LHFPL2: variants seen among roughly 807,000 people sequenced by gnomAD.
LHFPL2 encodes the protein LHFPL tetraspan subfamily member 2.
LHFPL2 carries 7 observed loss-of-function variants against 17.5 expected under a neutral mutation model. That is an observed-to-expected ratio of 0.40 (90% confidence interval 0.23 to 0.75). The LOEUF is 0.75. Among genes scored for constraint, LHFPL2 ranks in the 30% least tolerant of loss-of-function variants. The probability of loss-of-function intolerance (pLI) is 0.37; values close to 1 mark genes in which losing one functional copy is unlikely to be tolerated. For synonymous variants in LHFPL2, 134 were observed against 116.2 expected (o/e 1.15, Z -0.99); for missense variants, 241 against 294.8 (o/e 0.82, Z 1.34).
intron 2 of LHFPL2, among the ~76,000 whole-genome samples, chr5:78,594,245 C>CA (rs1401115763): frequency 6.6e-6 from 1 of 152,174 alleles, no homozygotes; most frequent in Non-Finnish European, 1.5e-5. Flanking sequence ...CCCTATGTAG[C>CA]ATGTTAACTC....
At chr5:78,547,460 T>G (rs1756313735) in intron 3 of LHFPL2, among the ~76,000 whole-genome samples, 1 of 152,232 alleles carries the variant, frequency 6.6e-6, no homozygotes, top group Non-Finnish European at 1.5e-5. Context: ...TACTCTGGGC[T>G]TCTGGAGGAG....
intron 2 of LHFPL2, among the ~76,000 whole-genome samples, chr5:78,615,499 G>A (rs549005484): frequency 2.6e-5 from 4 of 152,252 alleles, no homozygotes; most frequent in Admixed American, 2.6e-4. Flanking sequence ...ACAGAAAACT[G>A]TTTTCTAAAA....
chr5:78,612,763 T>C (rs929016314), intron 2 of LHFPL2, among the ~76,000 whole-genome samples: 10 of 152,332 alleles, frequency 6.6e-5, no homozygotes, highest in Non-Finnish European at 1.5e-4. Flanking sequence ...AGGCGCAGTC[T>C]TCAAAGAGCT....
At chr5:78,497,126 G>A (rs1754630779) in intron 4 of LHFPL2, among the ~76,000 whole-genome samples, 1 of 152,206 alleles carries the variant, frequency 6.6e-6, no homozygotes, top group African/African-American at 2.4e-5. Flanking sequence ...TCTTAGACAT[G>A]TGCAGGCCAG....
At chr5:78,602,073 C>T (rs943392578) in intron 2 of LHFPL2, among the ~76,000 whole-genome samples, 1 of 152,114 alleles carries the variant, frequency 6.6e-6, no homozygotes, top group African/African-American at 2.4e-5. Context: ...TATGGTACTA[C>T]TTTGAAAAGA....
chr5:78,551,655 C>G (rs1756446068), intron 3 of LHFPL2, among the ~76,000 whole-genome samples: 1 of 152,190 alleles, frequency 6.6e-6, no homozygotes, highest in South Asian at 2.1e-4. Context: ...TTCTCCTGTC[C>G]TCCTATGTCT....
chr5:78,589,196 C>T (rs756910806), intron 2 of LHFPL2, among the ~76,000 whole-genome samples: 2 of 152,048 alleles, frequency 1.3e-5, no homozygotes, highest in South Asian at 2.1e-4. Context: ...GTTGGCCAGG[C>T]GCAGTGGCTC....
At chr5:78,504,017 A>G (rs79824439) in intron 4 of LHFPL2, among the ~76,000 whole-genome samples, 2 of 151,786 alleles carry the variant, frequency 1.3e-5, no homozygotes, top group Non-Finnish European at 2.9e-5. Context: ...ACATGTCTGC[A>G]TTTTTTTTAC....
chr5:78,496,123 T>G (rs561544716), intron 4 of LHFPL2, among the ~76,000 whole-genome samples: 19 of 152,192 alleles, frequency 1.2e-4, no homozygotes, highest in Non-Finnish European at 1.9e-4. Context: ...TTTAAAAATT[T>G]ATTCAATAGC....
intron 2 of LHFPL2, among the ~76,000 whole-genome samples, chr5:78,575,437 T>C (rs970111834): frequency 1.3e-5 from 2 of 152,040 alleles, no homozygotes; most frequent in African/African-American, 4.8e-5. Context: ...TAGTCCCAGC[T>C]ACTCGGGAGG....
intron 2 of LHFPL2, among the ~76,000 whole-genome samples, chr5:78,612,483 C>A (rs1041054405): frequency 6.6e-6 from 1 of 152,146 alleles, no homozygotes; most frequent in East Asian, 1.9e-4. Context: ...TCAAAATAAC[C>A]CCATAAAGAG....
At chr5:78,617,979 G>T (rs1490349424) in intron 2 of LHFPL2, among the ~76,000 whole-genome samples, 1 of 152,072 alleles carries the variant, frequency 6.6e-6, no homozygotes, top group Non-Finnish European at 1.5e-5. Flanking sequence ...AAGACAGGTG[G>T]ATCATTTGAG....
At chr5:78,594,994 C>A (rs1442195297) in intron 2 of LHFPL2, among the ~76,000 whole-genome samples, 2 of 152,234 alleles carry the variant, frequency 1.3e-5, no homozygotes, top group South Asian at 2.1e-4. Context: ...GGGGACCAGC[C>A]TGGCTGGCCT....
At chr5:78,594,856 G>A (rs989945765) in intron 2 of LHFPL2, among the ~76,000 whole-genome samples, 9 of 152,160 alleles carry the variant, frequency 5.9e-5, no homozygotes, top group African/African-American at 1.7e-4. Context: ...GGACATAGCC[G>A]CCAACGACCA....
intron 2 of LHFPL2, among the ~76,000 whole-genome samples, chr5:78,591,887 C>A (rs541486532): frequency 2.1e-4 from 32 of 152,260 alleles, no homozygotes; most frequent in African/African-American, 7.5e-4. Context: ...ATATAATCAC[C>A]AGGTTTTCTT....
chr5:78,538,394 A>T (rs1008393647), intron 3 of LHFPL2, among the ~76,000 whole-genome samples: 3 of 152,206 alleles, frequency 2.0e-5, no homozygotes, highest in Non-Finnish European at 4.4e-5. Context: ...TAAAATTGCC[A>T]GGTTCTTTGC....
At chr5:78,592,640 ATTACTCTT>A in intron 2 of LHFPL2, among the ~76,000 whole-genome samples, 2 of 73,746 alleles carry the variant, frequency 2.7e-5, no homozygotes, top group Non-Finnish European at 7.3e-5. Context: ...ACACACACAC[ATTACTCTT>A]CAACTTAGTG....
intron 2 of LHFPL2, among the ~76,000 whole-genome samples, chr5:78,608,824 C>T (rs549606693): frequency 6.6e-6 from 1 of 151,030 alleles, no homozygotes; most frequent in Admixed American, 6.6e-5. Context: ...CCCAGCTACT[C>T]GGGAGGCTGA....
intron 4 of LHFPL2, among the ~76,000 whole-genome samples, chr5:78,490,746 CAAA>C (rs370809060): frequency 4.3e-5 from 4 of 92,114 alleles, no homozygotes; most frequent in Non-Finnish European, 2.0e-5. Context: ...GACTCCCTCT[CAAA>C]AAAAAAAAAA....
Sources: gnomAD v4.1 joint callset for allele counts (sites outside exome capture counted in the v4.1 genomes callset) on GRCh38, gnomAD v4.1.1 for gene constraint, MANE v1.5 for transcripts, NCBI Gene and HGNC (gene_info 2026-07-23, HGNC 2026-07-21) for gene names.